TET2: variants seen among roughly 807,000 people sequenced by gnomAD.
The protein encoded by TET2 is tet methylcytosine dioxygenase 2.
In TET2, 299 loss-of-function variants were observed where a neutral mutation model predicts 142.9. The ratio of observed to expected loss-of-function variants is 2.09; its 90% CI spans 1.90 to 2.30. TET2 has a LOEUF of 2.30. Among genes scored for constraint, TET2 ranks in the 30% most tolerant of loss-of-function variants. TET2 has a pLI of 0.00. For synonymous variants in TET2, 819 were observed against 849.0 expected, an observed-to-expected ratio of 0.96 and a Z score of 0.61; for missense variants, 2,418 against 2,378.0, an observed-to-expected ratio of 1.02 and a Z score of -0.35.
intron 3 of TET2, chr4:105,240,523 G>A (rs1729234912): frequency 9.3e-7 from 1 of 1,078,498 alleles, no homozygotes; most frequent in African/African-American, 1.6e-5. Context: ...CCCGTGCCAT[G>A]TTTTCCCTCT....
chr4:105,208,788 G>T (rs893057527), intron 2 of TET2, among the ~76,000 whole-genome samples: 43 of 151,642 alleles, frequency 2.8e-4, no homozygotes, highest in African/African-American at 1.0e-3. Flanking sequence ...GCTTTTTGAC[G>T]TGGTAACCTG....
Position 105,190,477 on chromosome 4 carries a change from A to G in TET2, c.-75A>G. 1 of 702,188 alleles carries G rather than the reference A, an allele frequency of 1.4e-6. No individual in the cohort carries two copies. The highest frequency in any genetic ancestry group is 2.6e-6 in the Non-Finnish European group (1 of 384,746). 43.5% of individuals were successfully genotyped at this position (702,188 alleles called of 1,614,324 possible). A position where few individuals can be genotyped will look rare whatever the true frequency, so the allele number is the denominator to read the frequency against. ...AGCAGCAGCCAATAGGACATGATCC[A>G]GGAAGAGCAGTAAGGGACTGAGCTG... is the stretch of plus-strand genomic sequence containing the variant. On this transcript the variant is annotated 5_prime_UTR_variant, in exon 2 of 11. Transcript: ENST00000380013.
At chr4:105,269,245 G>C (rs1337226615) in intron 8 of TET2, among the ~76,000 whole-genome samples, 1 of 152,128 alleles carries the variant, frequency 6.6e-6, no homozygotes, top group East Asian at 1.9e-4. Flanking sequence ...CCATTTATAT[G>C]AAATTCTAGA....
At chr4:105,227,916 T>C (rs906585034) in intron 2 of TET2, among the ~76,000 whole-genome samples, 1 of 152,166 alleles carries the variant, frequency 6.6e-6, no homozygotes, top group Non-Finnish European at 1.5e-5. Context: ...GCAAAAATTA[T>C]TGACTTCATG....
At chr4:105,225,185 C>T (rs1399257870) in intron 2 of TET2, among the ~76,000 whole-genome samples, 4 of 147,104 alleles carry the variant, frequency 2.7e-5, no homozygotes, top group Admixed American at 6.8e-5. Context: ...AGTAAAAAAT[C>T]GTGTGTGTGT....
At chr4:105,232,609 G>C (rs762058460) in intron 2 of TET2, among the ~76,000 whole-genome samples, 5 of 152,174 alleles carry the variant, frequency 3.3e-5, no homozygotes, top group Admixed American at 6.5e-5. Context: ...GGATTAAGAA[G>C]GCATTCTAGG....
intron 1 of TET2, chr4:105,171,636 C>G (rs573183822): frequency 6.6e-6 from 1 of 152,300 alleles, no homozygotes; most frequent in African/African-American, 2.4e-5. Flanking sequence ...TACCAAGATG[C>G]AACTCTTGAG....
At position 105,184,756 on chromosome 4, in the gene TET2, CAT is replaced by C. The variant is rs560149608; in HGVS notation, c.-192-5603_-192-5602del. On this transcript the variant is annotated intron_variant, in intron 1 of 10. Coordinates refer to ENST00000380013, the MANE Select transcript of TET2 (RefSeq NM_001127208.3). ...GTGTGTGTGTATTTATGTGTGTACT[CAT>C]GTGTATAAGAATAGGAGAAACACTT... is the stretch of plus-strand genomic sequence containing the variant. Among the ~76,000 whole-genome samples the C allele has an allele frequency of 3.2e-4, 49 of 151,978 alleles. 1 individual carries two copies. The South Asian group carries it at 8.7e-3, about 27-fold the overall frequency.
chr4:105,278,167 T>C lies in TET2; in HGVS notation c.*1648T>C, dbSNP rs904235072. 5 of 123,564 alleles carry C rather than the reference T, an allele frequency of 4.0e-5. No homozygotes were observed. The highest frequency in any genetic ancestry group is 7.8e-5 in the Non-Finnish European group (5 of 64,290). The allele number at this position is 123,564 out of a possible 1,614,324, so 7.7% of individuals were successfully genotyped here. A position where few individuals can be genotyped will look rare whatever the true frequency, so the allele number is the denominator to read the frequency against. On this transcript the variant is annotated 3_prime_UTR_variant, in exon 11 of 11. Transcript: ENST00000380013. The stretch of plus-strand genomic sequence containing the variant: ...TTTAGTACTGTAAAAAAATTAAATA[T>C]ATACATATATATATATATATATATA...
At chr4:105,159,359 G>C (rs1233028357) in intron 1 of TET2, among the ~76,000 whole-genome samples, 1 of 150,946 alleles carries the variant, frequency 6.6e-6, no homozygotes, top group Non-Finnish European at 1.5e-5. Flanking sequence ...CGGTTCAAGC[G>C]ATTCTCCAGC....
Position 105,272,560 on chromosome 4 carries a change from C to T in TET2, c.4183-4C>T. ...GAGGCTGTAATGTCTTACTTCCCTA[C>T]CAGGTATGCACTCTCACTAGAGAAG... On this transcript the variant is annotated splice_region_variant and splice_polypyrimidine_tract_variant and intron_variant, in intron 9 of 10. Coordinates refer to ENST00000380013, the MANE Select transcript of TET2 (RefSeq NM_001127208.3). 1 of 1,498,064 alleles carries T rather than the reference C, an allele frequency of 6.7e-7. No individual in the cohort carries two copies. Among genetic ancestry groups the T allele is most frequent in the Non-Finnish European group, 8.9e-7 (1 of 1,122,230 alleles). 92.8% of individuals were successfully genotyped at this position (1,498,064 alleles called of 1,614,324 possible).
intron 1 of TET2, chr4:105,177,551 G>C (rs1452051260): frequency 6.6e-6 from 1 of 152,102 alleles, no homozygotes; most frequent in East Asian, 1.9e-4. Flanking sequence ...TAGTCATTAG[G>C]GTATTGAAAA....
chr4:105,209,180 T>C (rs1727017530), intron 2 of TET2, among the ~76,000 whole-genome samples: 1 of 149,370 alleles, frequency 6.7e-6, no homozygotes, highest in South Asian at 2.1e-4. Context: ...CATTCACTTT[T>C]GGTGTGTATT....
In TET2 at chr4:105,259,601, G is replaced by A; in HGVS notation, c.3804-18G>A. ...TAATGCTATCCATAGCAATGAATTT[G>A]GTCTTTTGATTTTTCAGGAGAACTT... is the stretch of plus-strand genomic sequence containing the variant. On this transcript the variant is annotated intron_variant, in intron 6 of 10. Coordinates refer to ENST00000380013, the MANE Select transcript of TET2 (RefSeq NM_001127208.3). 6.5e-7 allele frequency: 1 copy of A among 1,549,586 alleles called. No homozygotes were observed. Among genetic ancestry groups the A allele is most frequent in the Non-Finnish European group, 8.7e-7 (1 of 1,145,698 alleles).
chr4:105,242,565 T>C (rs1243702800), intron 4 of TET2: 3 of 1,187,742 alleles, frequency 2.5e-6, no homozygotes, highest in Non-Finnish European at 3.2e-6. Flanking sequence ...TGAAATTTTA[T>C]ATCGAAATGA....
intron 8 of TET2, among the ~76,000 whole-genome samples, chr4:105,264,700 T>C (rs908014741): frequency 5.3e-5 from 8 of 152,206 alleles, no homozygotes; most frequent in African/African-American, 1.7e-4. Context: ...TATTGCATGG[T>C]AGGTACTATT....
intron 1 of TET2, among the ~76,000 whole-genome samples, chr4:105,152,802 G>A (rs1211028638): frequency 7.2e-5 from 11 of 151,938 alleles, no homozygotes. Flanking sequence ...TCACCATGTT[G>A]GCCAGGCTGA....
intron 1 of TET2, among the ~76,000 whole-genome samples, chr4:105,169,665 C>G (rs1724346983): frequency 6.6e-6 from 1 of 152,174 alleles, no homozygotes; most frequent in African/African-American, 2.4e-5. Context: ...AAGCCAATGT[C>G]TAGAAGGGTT....
chr4:105,263,028 T>TA (rs11407749), intron 8 of TET2, among the ~76,000 whole-genome samples: 6,721 of 150,796 alleles, frequency 0.045, 326 homozygotes, highest in East Asian at 0.2. Flanking sequence ...ACCCAGATTC[T>TA]AAAAAAAAAG....
Sources: allele counts gnomAD v4.1 joint callset (sites outside exome capture counted in the v4.1 genomes callset), GRCh38; gene constraint gnomAD v4.1.1; transcripts MANE v1.5; gene names NCBI Gene and HGNC (gene_info 2026-07-23, HGNC 2026-07-21).